The following NRXN1 variants were observed in gnomAD, a reference collection of about 807,000 sequenced individuals.
NRXN1 encodes the protein neurexin-1.
Under a neutral mutation model 150.9 loss-of-function variants are expected in NRXN1, and 39 were observed. That is an observed-to-expected ratio of 0.26 (90% CI 0.20 to 0.34). The LOEUF is 0.34. NRXN1 is among the 10% of genes least tolerant of loss of function. The pLI is 1.00. For synonymous variants in NRXN1, 924 were observed against 757.0 expected (o/e 1.22, Z -3.62); for missense variants, 1,815 against 1,949.9 (o/e 0.93, Z 1.30).
intron 18 of NRXN1, among the ~76,000 whole-genome samples, chr2:50,135,684 C>G (rs1480358926): frequency 6.6e-6 from 1 of 151,974 alleles, no homozygotes; most frequent in Non-Finnish European, 1.5e-5. Context: ...GAGCAAGACT[C>G]CATCTCAAAA....
chr2:50,325,285 C>T (rs1000896061), intron 17 of NRXN1, among the ~76,000 whole-genome samples: 3 of 152,096 alleles, frequency 2.0e-5, no homozygotes, highest in African/African-American at 7.2e-5. Flanking sequence ...CTGAAAAGAC[C>T]AGAAAAGATG....
At chr2:50,931,077 G>GTATT (rs1687668168) in intron 2 of NRXN1, among the ~76,000 whole-genome samples, 1 of 152,048 alleles carries the variant, frequency 6.6e-6, no homozygotes, top group African/African-American at 2.4e-5. Flanking sequence ...GACATCCTTT[G>GTATT]GCCTGTGTAT....
chr2:50,920,638 C>T (rs185769557), intron 5 of NRXN1, among the ~76,000 whole-genome samples: 3 of 151,724 alleles, frequency 2.0e-5, no homozygotes, highest in African/African-American at 7.2e-5. Flanking sequence ...CTTAAGAGAA[C>T]GCAGTGGATG....
chr2:50,914,168 C>A (rs1020339078), intron 5 of NRXN1, among the ~76,000 whole-genome samples: 3 of 151,638 alleles, frequency 2.0e-5, no homozygotes, highest in African/African-American at 7.3e-5. Flanking sequence ...GGCTGTGGAC[C>A]TGGACGCACT....
chr2:50,986,109 C>T (rs1697659234), intron 2 of NRXN1, among the ~76,000 whole-genome samples: 1 of 151,610 alleles, frequency 6.6e-6, no homozygotes, highest in Non-Finnish European at 1.5e-5. Flanking sequence ...ACTTAACATA[C>T]AGTTAACTTT....
At chr2:51,027,074 G>T (rs1006534618) in intron 2 of NRXN1, among the ~76,000 whole-genome samples, 16 of 152,132 alleles carry the variant, frequency 1.1e-4, no homozygotes, top group South Asian at 6.2e-4. Context: ...TCAAACACAT[G>T]CCCAATCTTC....
chr2:51,022,719 TATA>T (rs1323909482), intron 2 of NRXN1, among the ~76,000 whole-genome samples: 1 of 152,178 alleles, frequency 6.6e-6, no homozygotes, highest in Non-Finnish European at 1.5e-5. Flanking sequence ...TATCTACTTA[TATA>T]ATAACTACTT....
intron 18 of NRXN1, 150 bp downstream of exon 18, chr2:50,236,639 G>T: frequency 1.4e-6 from 1 of 728,064 alleles, no homozygotes; most frequent in Non-Finnish European, 2.4e-6. Context: ...ATAGGTATAT[G>T]GTCTTATTTC....
At chr2:50,800,379 C>T (rs1024094445) in intron 5 of NRXN1, among the ~76,000 whole-genome samples, 1 of 151,986 alleles carries the variant, frequency 6.6e-6, no homozygotes, top group Non-Finnish European at 1.5e-5. Context: ...TTCTATGGTA[C>T]GTTTCATAAT....
At chr2:50,524,176 T>C (rs1281087717) in intron 12 of NRXN1, among the ~76,000 whole-genome samples, 3 of 152,134 alleles carry the variant, frequency 2.0e-5, no homozygotes, top group Non-Finnish European at 2.9e-5. Flanking sequence ...TATTTTTATA[T>C]GGATGCAGAA....
At chr2:49,947,139 C>A (rs956291449) in intron 21 of NRXN1, among the ~76,000 whole-genome samples, 1 of 152,052 alleles carries the variant, frequency 6.6e-6, no homozygotes, top group Non-Finnish European at 1.5e-5. Context: ...CCCCCCGGAC[C>A]AACATCTAGC....
intron 17 of NRXN1, among the ~76,000 whole-genome samples, chr2:50,408,729 T>G (rs2082928639): frequency 6.6e-6 from 1 of 152,132 alleles, no homozygotes; most frequent in African/African-American, 2.4e-5. Flanking sequence ...CTGACTTCCA[T>G]TTGCCCCTCT....
chr2:50,281,421 T>C (rs2071449019), intron 17 of NRXN1, among the ~76,000 whole-genome samples: 1 of 152,094 alleles, frequency 6.6e-6, no homozygotes, highest in Non-Finnish European at 1.5e-5. Flanking sequence ...TGGAGAGCCT[T>C]AGTGAGTGAA....
At chr2:50,861,017 T>C (rs541755997) in intron 5 of NRXN1, among the ~76,000 whole-genome samples, 2 of 152,080 alleles carry the variant, frequency 1.3e-5, no homozygotes. Context: ...GATTTCTAGA[T>C]GTCAAAGTAA....
At chr2:50,685,549 C>CT (rs907449596) in intron 5 of NRXN1, among the ~76,000 whole-genome samples, 2 of 152,074 alleles carry the variant, frequency 1.3e-5, no homozygotes, top group African/African-American at 4.8e-5. Flanking sequence ...GGATTCATCA[C>CT]TTTTTTCTTT....
At chr2:50,134,374 C>G (rs964976323) in intron 18 of NRXN1, among the ~76,000 whole-genome samples, 1 of 151,748 alleles carries the variant, frequency 6.6e-6, no homozygotes, top group Admixed American at 6.6e-5. Context: ...TCTGCAGAAC[C>G]TATTCAAGAA....
At chr2:50,575,155 T>G (rs781446954) in intron 8 of NRXN1, among the ~76,000 whole-genome samples, 10 of 152,224 alleles carry the variant, frequency 6.6e-5, no homozygotes, top group Non-Finnish European at 1.5e-4. Context: ...AGATAACATT[T>G]TGAGATTCTG....
At chr2:49,956,779 G>A (rs1251252452) in intron 21 of NRXN1, among the ~76,000 whole-genome samples, 1 of 152,056 alleles carries the variant, frequency 6.6e-6, no homozygotes, top group African/African-American at 2.4e-5. Flanking sequence ...TTTTTACTCT[G>A]CTAAAATATT....
At chr2:50,897,331 T>C (rs17571374) in intron 5 of NRXN1, among the ~76,000 whole-genome samples, 29,199 of 152,128 alleles carry the variant, frequency 0.19, 3,227 homozygotes, top group Non-Finnish European at 0.25. Flanking sequence ...CTTGCTACTT[T>C]CAACACAAAA....
Sources: gnomAD v4.1 joint callset for allele counts (sites outside exome capture counted in the v4.1 genomes callset) on GRCh38, gnomAD v4.1.1 for gene constraint, MANE v1.5 for transcripts, NCBI Gene and HGNC (gene_info 2026-07-23, HGNC 2026-07-21) for gene names.